Variants in LINGO2 observed in about 807,000 individuals in gnomAD.
LINGO2 encodes leucine-rich repeat and immunoglobulin-like domain-containing nogo receptor-interacting protein 2.
Under a neutral mutation model 30.6 loss-of-function variants are expected in LINGO2, and 14 were observed. The observed-to-expected ratio is 0.46, with a 90% confidence interval of 0.30 to 0.72. The LOEUF is 0.72. Ranked by LOEUF, LINGO2 falls within the 30% of genes least tolerant of loss-of-function variation. The probability of loss-of-function intolerance (pLI) is 0.07; values close to 1 mark genes in which losing one functional copy is unlikely to be tolerated. For synonymous variants in LINGO2, 317 were observed against 288.5 expected, an observed-to-expected ratio of 1.10 and a Z score of -1.00; for missense variants, 729 against 751.7, an observed-to-expected ratio of 0.97 and a Z score of 0.35.
At chr9:28,415,768 A>G (rs1004209932) in intron 2 of LINGO2, among the ~76,000 whole-genome samples, 1 of 152,194 alleles carries the variant, frequency 6.6e-6, no homozygotes, top group Non-Finnish European at 1.5e-5. Flanking sequence ...GTGTTATACT[A>G]TATGTTCCAT....
chr9:28,738,494 G>A, the LINGO2 span, among the ~76,000 whole-genome samples: 1 of 151,890 alleles, frequency 6.6e-6, no homozygotes, highest in South Asian at 2.1e-4. Context: ...GCCCTATGAT[G>A]CTTTCAAGCA....
At chr9:28,146,562 C>CT (rs57672729) in intron 4 of LINGO2, among the ~76,000 whole-genome samples, 31 of 149,390 alleles carry the variant, frequency 2.1e-4, no homozygotes, top group South Asian at 6.4e-4. Context: ...TGGTAAAAAT[C>CT]TTTTTTTTTT....
In LINGO2 at chr9:28,433,321, G is replaced by A. The variant is rs1441339271; in HGVS notation, c.-279+42619C>T. On this transcript the variant is annotated intron_variant, in intron 2 of 5. Transcript: ENST00000379992. ...ATATAAAGGGAAGATCTCAGCCACT[G>A]GGTGTACTCCAAAACTCTTCCACTT... 3.7e-5 allele frequency among the ~76,000 whole-genome samples: 5 copies of A among 134,890 alleles called. No individual in the cohort carries two copies. The South Asian group carries it at 1.2e-3, about 31-fold the overall frequency. The allele number at this position is 134,890 out of a possible 152,430, so 88.5% of individuals were successfully genotyped here.
chr9:28,313,771 G>A (rs935914813), intron 3 of LINGO2, among the ~76,000 whole-genome samples: 16 of 152,168 alleles, frequency 1.1e-4, no homozygotes, highest in Non-Finnish European at 2.2e-4. Flanking sequence ...TATGTAAGGA[G>A]TGCCAATGAA....
intron 4 of LINGO2, among the ~76,000 whole-genome samples, chr9:28,261,698 G>C (rs1244783624): frequency 6.6e-6 from 1 of 151,774 alleles, no homozygotes; most frequent in Non-Finnish European, 1.5e-5. Context: ...CTTAATTTAA[G>C]ATGACAACAT....
the LINGO2 span, among the ~76,000 whole-genome samples, chr9:29,174,454 A>G: frequency 2.0e-5 from 3 of 152,262 alleles, no homozygotes; most frequent in South Asian, 4.1e-4. Flanking sequence ...AGAAAAATAT[A>G]TAACTCTATG....
At chr9:28,190,255 T>C (rs1819773779) in intron 4 of LINGO2, among the ~76,000 whole-genome samples, 1 of 152,160 alleles carries the variant, frequency 6.6e-6, no homozygotes, top group Admixed American at 6.5e-5. Flanking sequence ...TTTGGGAGTG[T>C]ATCTGTTTTT....
At chr9:28,670,784 T>G (rs1225993121), upstream of LINGO2, among the ~76,000 whole-genome samples, 1 of 152,148 alleles carries the variant, frequency 6.6e-6, no homozygotes, top group South Asian at 2.1e-4. Flanking sequence ...TCTGATAAGT[T>G]AATATGCAAT....
chr9:29,118,678 A>G, the LINGO2 span, among the ~76,000 whole-genome samples: 1 of 152,064 alleles, frequency 6.6e-6, no homozygotes, highest in East Asian at 1.9e-4. Context: ...CTCCAAATCT[A>G]CTTCTTGGCC....
At chr9:29,090,876 G>A in the LINGO2 span, among the ~76,000 whole-genome samples, 15 of 151,928 alleles carry the variant, frequency 9.9e-5, no homozygotes, top group African/African-American at 3.6e-4. Context: ...ATGTATCTAG[G>A]AGTAACTTAC....
the LINGO2 span, among the ~76,000 whole-genome samples, chr9:28,713,133 C>T: frequency 6.6e-6 from 1 of 151,958 alleles, no homozygotes; most frequent in Non-Finnish European, 1.5e-5. Context: ...TAAAGTGCTG[C>T]GATTACAGGT....
At chr9:28,082,472 T>C (rs1488335587) in intron 4 of LINGO2, among the ~76,000 whole-genome samples, 1 of 152,210 alleles carries the variant, frequency 6.6e-6, no homozygotes, top group Non-Finnish European at 1.5e-5. Context: ...CAATTTTTTT[T>C]TCATTTTTAC....
the LINGO2 span, among the ~76,000 whole-genome samples, chr9:28,787,278 C>T: frequency 9.9e-5 from 15 of 152,118 alleles, no homozygotes; most frequent in Non-Finnish European, 1.5e-4. Flanking sequence ...TTGTACACTA[C>T]AAAAACTTAA....
intron 4 of LINGO2, among the ~76,000 whole-genome samples, chr9:28,015,488 A>AACAAC (rs1822782993): frequency 6.6e-6 from 1 of 152,064 alleles, no homozygotes; most frequent in African/African-American, 2.4e-5. Context: ...TCAACGTTTA[A>AACAAC]ATAAGAAAAT....
At chr9:28,885,422 C>T in the LINGO2 span, among the ~76,000 whole-genome samples, 3 of 143,702 alleles carry the variant, frequency 2.1e-5, no homozygotes, top group Admixed American at 7.5e-5. Flanking sequence ...GATATATATA[C>T]ACACACATAT....
At chr9:28,126,300 C>G (rs532258970) in intron 4 of LINGO2, among the ~76,000 whole-genome samples, 1 of 152,000 alleles carries the variant, frequency 6.6e-6, no homozygotes, top group South Asian at 2.1e-4. Context: ...CTGAATCATT[C>G]CAGCTGCAAG....
intron 1 of LINGO2, among the ~76,000 whole-genome samples, chr9:28,605,087 G>T (rs539994053): frequency 6.6e-6 from 1 of 152,078 alleles, no homozygotes; most frequent in South Asian, 2.1e-4. Flanking sequence ...CTATTCATAC[G>T]TAGTTATTGA....
intron 1 of LINGO2, among the ~76,000 whole-genome samples, chr9:28,668,064 A>G (rs1314800184): frequency 6.6e-6 from 1 of 151,612 alleles, no homozygotes; most frequent in Non-Finnish European, 1.5e-5. Context: ...AATATCATGG[A>G]TTTTTTTTTA....
At chr9:28,466,280 G>A (rs1054788246) in intron 2 of LINGO2, among the ~76,000 whole-genome samples, 26 of 152,178 alleles carry the variant, frequency 1.7e-4, no homozygotes, top group Admixed American at 1.6e-3. Flanking sequence ...GTACTATTCA[G>A]CCATAAAAAA....
Sources: allele counts gnomAD v4.1 joint callset (sites outside exome capture counted in the v4.1 genomes callset), GRCh38; gene constraint gnomAD v4.1.1; transcripts MANE v1.5; gene names NCBI Gene and HGNC (gene_info 2026-07-23, HGNC 2026-07-21).